The following SHB variants were observed in gnomAD, a reference collection of about 807,000 sequenced individuals.
SHB encodes the protein SH2 domain-containing adapter protein B.
SHB carries 20 observed loss-of-function variants against 52.3 expected under a neutral mutation model. The ratio of observed to expected loss-of-function variants is 0.38; its 90% CI spans 0.27 to 0.56. The LOEUF is 0.56. Ranked by LOEUF, SHB falls within the 20% of genes least tolerant of loss-of-function variation. SHB has a pLI of 0.71. For synonymous variants in SHB, 397 were observed against 316.5 expected, an observed-to-expected ratio of 1.25 and a Z score of -2.70; for missense variants, 825 against 723.3, an observed-to-expected ratio of 1.14 and a Z score of -1.61.
intron 2 of SHB, among the ~76,000 whole-genome samples, chr9:37,981,265 C>A (rs1481201101): frequency 6.6e-6 from 1 of 152,230 alleles, no homozygotes; most frequent in Non-Finnish European, 1.5e-5. Flanking sequence ...GCTAGATCTT[C>A]TGGATAACTT....
At chr9:37,941,592 T>C (rs963099050) in intron 5 of SHB, among the ~76,000 whole-genome samples, 1 of 152,186 alleles carries the variant, frequency 6.6e-6, no homozygotes, top group African/African-American at 2.4e-5. Context: ...AGGCAAGCAG[T>C]ACTGTACCTG....
chr9:37,986,010 T>A (rs1177171528), intron 2 of SHB, among the ~76,000 whole-genome samples: 3 of 152,196 alleles, frequency 2.0e-5, no homozygotes, highest in Non-Finnish European at 2.9e-5. Flanking sequence ...ACAAGCCTAG[T>A]TCTGCCTGGC....
At chr9:37,923,144 A>G (rs1457875015) in intron 5 of SHB, among the ~76,000 whole-genome samples, 1 of 152,218 alleles carries the variant, frequency 6.6e-6, no homozygotes, top group African/African-American at 2.4e-5. Flanking sequence ...GCCCAGAGTC[A>G]GTGCTCCTGA....
chr9:38,014,918 CT>C (rs1196647127), intron 2 of SHB, among the ~76,000 whole-genome samples: 1 of 152,250 alleles, frequency 6.6e-6, no homozygotes, highest in Non-Finnish European at 1.5e-5. Flanking sequence ...TCCCTTCTTT[CT>C]CCTAATTCAA....
chr9:38,059,137 T>G (rs1455728656), intron 1 of SHB, among the ~76,000 whole-genome samples: 1 of 152,136 alleles, frequency 6.6e-6, no homozygotes, highest in Non-Finnish European at 1.5e-5. Context: ...AATGAATGAA[T>G]GAGAAGAAAG....
intron 4 of SHB, among the ~76,000 whole-genome samples, chr9:37,955,091 T>C (rs1041578648): frequency 6.6e-6 from 1 of 152,062 alleles, no homozygotes; most frequent in African/African-American, 2.4e-5. Context: ...CAAGCAGACA[T>C]GGAGCAAGAA....
chr9:37,996,505 TA>T (rs1423968144), intron 2 of SHB, among the ~76,000 whole-genome samples: 1 of 152,196 alleles, frequency 6.6e-6, no homozygotes, highest in East Asian at 1.9e-4. Context: ...AGCAGTTCTT[TA>T]AAAAAATTTG....
At chr9:37,997,040 CAGG>C (rs1820955538) in intron 2 of SHB, among the ~76,000 whole-genome samples, 1 of 152,182 alleles carries the variant, frequency 6.6e-6, no homozygotes, top group Non-Finnish European at 1.5e-5. Context: ...AGCTGACAGG[CAGG>C]AGGTGGGTGG....
At chr9:37,956,734 GAGCAGAA>G (rs1249969281) in intron 3 of SHB, among the ~76,000 whole-genome samples, 1 of 152,184 alleles carries the variant, frequency 6.6e-6, no homozygotes, top group African/African-American at 2.4e-5. Flanking sequence ...ACACCACAAA[GAGCAGAA>G]AGCGCTGAGC....
chr9:37,934,283 G>A (rs1357720599), intron 5 of SHB, among the ~76,000 whole-genome samples: 2 of 152,142 alleles, frequency 1.3e-5, no homozygotes, highest in African/African-American at 4.8e-5. Flanking sequence ...CCTAAAAGGT[G>A]CATGGGGCCG....
At chr9:37,920,063 G>A in intron 5 of SHB, 59 bp from the exon 6 acceptor site, 1 of 1,367,550 alleles carries the variant, frequency 7.3e-7, no homozygotes, top group Non-Finnish European at 1.0e-6. Flanking sequence ...CTGAGGCCAA[G>A]GGTCTCCTCA....
intron 3 of SHB, among the ~76,000 whole-genome samples, chr9:37,960,718 A>C (rs530137266): frequency 1.3e-5 from 2 of 152,214 alleles, no homozygotes; most frequent in South Asian, 4.1e-4. Flanking sequence ...ATTTTACACC[A>C]ATCAGTCCTA....
chr9:38,021,095 T>C (rs1371382555), intron 1 of SHB, among the ~76,000 whole-genome samples: 1 of 152,228 alleles, frequency 6.6e-6, no homozygotes, highest in Non-Finnish European at 1.5e-5. Flanking sequence ...CCCAGCATTT[T>C]GGGAGGCCGA....
At chr9:38,026,787 G>C (rs1821348332) in intron 1 of SHB, among the ~76,000 whole-genome samples, 2 of 152,214 alleles carry the variant, frequency 1.3e-5, no homozygotes, top group Non-Finnish European at 2.9e-5. Context: ...AGGAAACTTA[G>C]GGTGGCTAGG....
chr9:37,947,910 CTTCT>C (rs959516229), intron 5 of SHB, among the ~76,000 whole-genome samples: 1 of 152,220 alleles, frequency 6.6e-6, no homozygotes, highest in Admixed American at 6.5e-5. Context: ...TGGCAAATCC[CTTCT>C]TTTTCTGGAC....
rs556038293 is a variant in SHB, at chr9:38,023,882, G to A, written c.718-7751C>T. On this transcript the variant is annotated intron_variant, in intron 1 of 5. Transcript: ENST00000377707. ...CACCCATGCAGGTACACACACAAGC[G>A]CCCCCTACTCGCCTCTTCCTGTCCT... 1.3e-4 allele frequency among the ~76,000 whole-genome samples: 20 copies of A among 152,180 alleles called. No homozygotes were observed. In the South Asian group the frequency reaches 1.9e-3, roughly 14 times the overall value.
At chr9:37,978,232 A>G (rs1447372587) in intron 2 of SHB, among the ~76,000 whole-genome samples, 3 of 152,250 alleles carry the variant, frequency 2.0e-5, no homozygotes, top group Admixed American at 6.5e-5. Flanking sequence ...ATTAGCTATT[A>G]AATCAGAGGA....
chr9:37,929,686 C>T (rs76836717), intron 5 of SHB, among the ~76,000 whole-genome samples: 4,348 of 152,334 alleles, frequency 0.029, 100 homozygotes, highest in East Asian at 0.1. Flanking sequence ...GGGTTCTGGC[C>T]CAGCTCTGTG....
chr9:37,963,453 C>A (rs1832715594), intron 3 of SHB, among the ~76,000 whole-genome samples: 2 of 152,216 alleles, frequency 1.3e-5, no homozygotes, highest in African/African-American at 4.8e-5. Flanking sequence ...ACATGGGCCA[C>A]ATTTGTAAAC....
Sources: gnomAD v4.1 joint callset for allele counts (sites outside exome capture counted in the v4.1 genomes callset) on GRCh38, gnomAD v4.1.1 for gene constraint, MANE v1.5 for transcripts, NCBI Gene and HGNC (gene_info 2026-07-23, HGNC 2026-07-21) for gene names.